STX2: variants seen among roughly 807,000 people sequenced by gnomAD.
The protein encoded by STX2 is syntaxin 2, also known as syntaxin-2.
Under a neutral mutation model 40.6 loss-of-function variants are expected in STX2, and 27 were observed. The ratio of observed to expected loss-of-function variants is 0.66; its 90% confidence interval spans 0.49 to 0.92. STX2 has a LOEUF of 0.92. Among genes scored for constraint, STX2 ranks in the 40% least tolerant of loss-of-function variants. The probability of loss-of-function intolerance (pLI) is 0.00; values close to 1 mark genes in which losing one functional copy is unlikely to be tolerated. For synonymous variants in STX2, 123 were observed against 119.1 expected (o/e 1.03, Z -0.22); for missense variants, 328 against 366.1 (o/e 0.90, Z 0.85).
chr12:130,796,637 A>T (rs1951036856), intron 9 of STX2, among the ~76,000 whole-genome samples: 1 of 152,182 alleles, frequency 6.6e-6, no homozygotes, highest in Non-Finnish European at 1.5e-5. Flanking sequence ...TGTAACTGTT[A>T]TTTCAGGTTT....
intron 8 of STX2, among the ~76,000 whole-genome samples, chr12:130,800,049 A>T (rs987591500): frequency 6.6e-6 from 1 of 152,178 alleles, no homozygotes; most frequent in African/African-American, 2.4e-5. Flanking sequence ...CAGGCTCAGG[A>T]CAAGTGAGGA....
chr12:130,817,909 C>T lies in STX2; in HGVS notation c.205+3780G>A, dbSNP rs112001135. Among the ~76,000 whole-genome samples, 934 of 151,572 alleles carry T rather than the reference C, an allele frequency of 6.2e-3. 15 individuals carry two copies. Among genetic ancestry groups the T allele is most frequent in the African/African-American group, 0.021 (888 of 41,306 alleles). On this transcript the variant is annotated intron_variant, in intron 3 of 10. Coordinates refer to ENST00000392373, the MANE Select transcript of STX2 (RefSeq NM_194356.4). ...GAGGTAAGAAGGAAGGGGAGAGGAA[C>T]CGCAAGGGCAGGAAGGCCTCGGGTG...
chr12:130,818,269 G>A (rs897602704), intron 3 of STX2, among the ~76,000 whole-genome samples: 3 of 144,256 alleles, frequency 2.1e-5, no homozygotes, highest in African/African-American at 8.2e-5. Context: ...TACTCGGGAG[G>A]CTGCAGTGGG....
chr12:130,794,967 G>A (rs1013463503), intron 10 of STX2, among the ~76,000 whole-genome samples: 1 of 152,056 alleles, frequency 6.6e-6, no homozygotes, highest in Non-Finnish European at 1.5e-5. Flanking sequence ...GTAACACACC[G>A]ACAGCATTGC....
intron 1 of STX2, among the ~76,000 whole-genome samples, chr12:130,835,918 C>T (rs142055623): frequency 8.0e-5 from 12 of 149,428 alleles, no homozygotes; most frequent in Non-Finnish European, 1.5e-4. Context: ...GCCCTGTCCA[C>T]GTAACTGTCA....
At chr12:130,796,829 T>C (rs1435521120) in intron 9 of STX2, among the ~76,000 whole-genome samples, 5 of 152,150 alleles carry the variant, frequency 3.3e-5, no homozygotes, top group African/African-American at 9.7e-5. Flanking sequence ...TTTATGTTCT[T>C]GGCAGTTACT....
intron 8 of STX2, among the ~76,000 whole-genome samples, chr12:130,800,109 G>A (rs1043471380): frequency 3.3e-5 from 5 of 152,050 alleles, no homozygotes; most frequent in Non-Finnish European, 4.4e-5. Flanking sequence ...TTCACCTGGT[G>A]GTCAGCTGAA....
At chr12:130,798,393 C>T (rs1391379600) in intron 9 of STX2, 132 bp downstream of exon 9, 3 of 540,654 alleles carry the variant, frequency 5.5e-6, no homozygotes, top group Non-Finnish European at 8.9e-6. Context: ...AAAATTATTT[C>T]CATTTTAAAA....
chr12:130,822,271 G>C (rs924862403), intron 2 of STX2, among the ~76,000 whole-genome samples: 2 of 152,060 alleles, frequency 1.3e-5, no homozygotes, highest in Admixed American at 1.3e-4. Flanking sequence ...ACAAAAATTA[G>C]CCAAGTGAGG....
chr12:130,803,696 A>G (rs1270054299), intron 6 of STX2, among the ~76,000 whole-genome samples: 1 of 147,664 alleles, frequency 6.8e-6, no homozygotes, highest in African/African-American at 2.5e-5. Flanking sequence ...AAAACAAACT[A>G]AAAGTTACAG....
rs750272546 is a variant in STX2 at position 130,798,602 on chromosome 12, T to C, written c.709A>G (p.Met237Val). The C allele has an allele frequency of 2.5e-6, 4 of 1,601,442 alleles. No individual in the cohort carries two copies. Among genetic ancestry groups the C allele is most frequent in the East Asian group, 2.3e-5 (1 of 44,106 alleles). The change falls in exon 9 of 11, where the codon ATG becomes GTG. Residue 237 changes from methionine (M) to valine (V), a missense_variant. Met to Val is a conservative substitution (Grantham distance 21). Coordinates refer to ENST00000392373, the MANE Select transcript of STX2 (RefSeq NM_194356.4). ...EMINNIERNVMNATDYVEHAK... is the reference protein window; with the variant it reads ...EMINNIERNVVNATDYVEHAK... ...TGTTCTACATAGTCTGTGGCATTCA[T>C]AACATTTCTTTCTATGTTGTTGATC...
At chr12:130,829,485 G>A (rs1952472252) in intron 1 of STX2, among the ~76,000 whole-genome samples, 1 of 150,650 alleles carries the variant, frequency 6.6e-6, no homozygotes, top group South Asian at 2.1e-4. Context: ...GGGAAGATGG[G>A]ATGCGGGGAG....
chr12:130,798,086 G>A (rs941702902), intron 9 of STX2, among the ~76,000 whole-genome samples: 1 of 151,978 alleles, frequency 6.6e-6, no homozygotes, highest in African/African-American at 2.4e-5. Context: ...TCTCTCTACT[G>A]AAAATACAAA....
intron 9 of STX2, 124 bp from the exon 10 acceptor site, chr12:130,796,244 A>C: frequency 6.2e-6 from 8 of 1,282,444 alleles, no homozygotes; most frequent in African/African-American, 3.0e-5. Context: ...CTGTAATCTC[A>C]GCACTTTGGG....
chr12:130,803,709 C>T (rs1230896253), intron 6 of STX2, among the ~76,000 whole-genome samples: 1 of 148,028 alleles, frequency 6.8e-6, no homozygotes, highest in Non-Finnish European at 1.5e-5. Flanking sequence ...AGTTACAGTT[C>T]ATGTCTCACG....
chr12:130,805,218 G>A (rs1021723869), intron 6 of STX2, among the ~76,000 whole-genome samples: 7 of 152,202 alleles, frequency 4.6e-5, no homozygotes, highest in Non-Finnish European at 7.3e-5. Flanking sequence ...TGCCAGGATG[G>A]AGCAACAGGG....
intron 7 of STX2, 52 bp downstream of exon 7, chr12:130,801,363 A>G: frequency 6.3e-7 from 1 of 1,589,572 alleles, no homozygotes; most frequent in Non-Finnish European, 8.6e-7. Flanking sequence ...GTTTTTAAAA[A>G]GCTCTGTCTA....
rs559505661 is a variant in STX2, at chr12:130,803,752, A to C, written c.464-2264T>G. 1.1e-3 allele frequency among the ~76,000 whole-genome samples: 169 copies of C among 152,166 alleles called. 1 individual carries two copies. Among genetic ancestry groups the C allele is most frequent in the African/African-American group, 3.7e-3 (155 of 41,520 alleles). ...AGGTCTTCCCACCGGCTAACTGCTA[A>C]GTCTAAGAAACAGCCTGGGGTTACA... On this transcript the variant is annotated intron_variant, in intron 6 of 10. Coordinates refer to ENST00000392373, the MANE Select transcript of STX2 (RefSeq NM_194356.4).
In STX2 at chr12:130,801,135, G is replaced by A. The variant is rs750267385; in HGVS notation, c.675+18C>T. 10 of 1,601,270 alleles carry A rather than the reference G, an allele frequency of 6.2e-6. No homozygotes were observed. The South Asian group carries it at 1.0e-4, about 16-fold the overall frequency. On this transcript the variant is annotated intron_variant, in intron 8 of 10. Coordinates refer to ENST00000392373, the MANE Select transcript of STX2 (RefSeq NM_194356.4). ...ATGACTGATATCTCTCTTGGAGAATGCAAGAGTCTGTAACTACCTGAGTCT... is the reference window on the plus strand; with the variant it reads ...ATGACTGATATCTCTCTTGGAGAATACAAGAGTCTGTAACTACCTGAGTCT...
Sources: allele counts gnomAD v4.1 joint callset (sites outside exome capture counted in the v4.1 genomes callset), GRCh38; gene constraint gnomAD v4.1.1; transcripts MANE v1.5; gene names NCBI Gene and HGNC (gene_info 2026-07-23, HGNC 2026-07-21).